METTL15: variants seen among roughly 807,000 people sequenced by gnomAD.
METTL15 encodes the protein methyltransferase 15, mitochondrial 12S rRNA N4-cytidine, also known as 12S rRNA N(4)-cytidine methyltransferase METTL15.
In METTL15, 34 loss-of-function variants were observed where a neutral mutation model predicts 38.3. The observed-to-expected ratio is 0.89, with a 90% CI of 0.68 to 1.18. The LOEUF (loss-of-function observed/expected upper bound fraction) is 1.18. Among genes scored for constraint, METTL15 ranks in the 50% most tolerant of loss-of-function variants. METTL15 has a pLI of 0.00. For synonymous variants in METTL15, 162 were observed against 170.9 expected (o/e 0.95, Z 0.41); for missense variants, 438 against 498.4 (o/e 0.88, Z 1.15).
At chr11:28,527,675 CAAG>C (rs1196986264), downstream of METTL15, among the ~76,000 whole-genome samples, 1 of 152,154 alleles carries the variant, frequency 6.6e-6, no homozygotes, top group African/African-American at 2.4e-5. Context: ...TTGACTTAAT[CAAG>C]GAGGTATTTG....
chr11:28,155,103 CA>C lies in METTL15; in HGVS notation c.270+41500del, dbSNP rs1016545538. Among the ~76,000 whole-genome samples, 11 of 152,112 alleles carry C rather than the reference CA, an allele frequency of 7.2e-5. 1 individual carries two copies. Among genetic ancestry groups the C allele is most frequent in the Admixed American group, 6.6e-4 (10 of 15,266 alleles). On this transcript the variant is annotated intron_variant, in intron 3 of 6. Coordinates refer to ENST00000407364, the MANE Select transcript of METTL15 (RefSeq NM_001113528.2). The stretch of plus-strand genomic sequence containing the variant: ...AGGTAAGGTGTTCTCTAGATGTCTG[CA>C]GCATTAAGGTAGCATTTTATGGGAA...
chr11:28,477,861 T>C (rs1041150373), intron 6 of METTL15, among the ~76,000 whole-genome samples: 1 of 152,178 alleles, frequency 6.6e-6, no homozygotes, highest in Non-Finnish European at 1.5e-5. Flanking sequence ...TTCTGTATGG[T>C]ATTTTTTGAG....
Position 28,409,018 on chromosome 11 carries a change from T to C in METTL15, c.*359-15281T>C, listed in dbSNP as rs146069218. On this transcript the variant is annotated intron_variant and NMD_transcript_variant, in intron 5 of 7. Transcript: ENST00000532947. ...CCAACAGCAGCAGAATATACGTTCT[T>C]TTTTAGTACATATGGAACATTCTCC... is the stretch of plus-strand genomic sequence containing the variant. 5.1e-3 allele frequency among the ~76,000 whole-genome samples: 779 copies of C among 152,310 alleles called. 7 individuals are homozygous for C. Among genetic ancestry groups the C allele is most frequent in the African/African-American group, 0.018 (731 of 41,578 alleles).
intron 5 of METTL15, among the ~76,000 whole-genome samples, chr11:28,415,502 T>C (rs1164347213): frequency 6.6e-6 from 1 of 152,222 alleles, no homozygotes; most frequent in African/African-American, 2.4e-5. Context: ...TCTTATTCAA[T>C]CATCAGGTGA....
At chr11:28,236,222 A>T (rs1172525766) in intron 4 of METTL15, among the ~76,000 whole-genome samples, 1 of 152,110 alleles carries the variant, frequency 6.6e-6, no homozygotes, top group Non-Finnish European at 1.5e-5. Context: ...TATTTTATTG[A>T]GGATTTTTGC....
intron 3 of METTL15, among the ~76,000 whole-genome samples, chr11:28,120,153 C>T (rs1293572742): frequency 2.6e-5 from 4 of 151,676 alleles, no homozygotes; most frequent in African/African-American, 7.3e-5. Flanking sequence ...AGGGTTTCAC[C>T]GTGTTAGCCA....
chr11:28,405,201 C>T (rs1416857728), intron 5 of METTL15, among the ~76,000 whole-genome samples: 1 of 152,078 alleles, frequency 6.6e-6, no homozygotes, highest in Non-Finnish European at 1.5e-5. Context: ...ATATTATGTG[C>T]TCTCCTCAAA....
At chr11:28,278,860 T>C (rs1353574845) in intron 4 of METTL15, among the ~76,000 whole-genome samples, 1 of 152,204 alleles carries the variant, frequency 6.6e-6, no homozygotes, top group Non-Finnish European at 1.5e-5. Flanking sequence ...AGAGTCTTGC[T>C]CTGTCACCCA....
chr11:28,384,720 T>A (rs1850423037), intron 5 of METTL15, among the ~76,000 whole-genome samples: 1 of 152,186 alleles, frequency 6.6e-6, no homozygotes, highest in Non-Finnish European at 1.5e-5. Flanking sequence ...GTTGCCACAC[T>A]GATTTCCACA....
intron 5 of METTL15, among the ~76,000 whole-genome samples, chr11:28,407,115 T>C (rs1474774183): frequency 3.3e-5 from 5 of 152,110 alleles, no homozygotes; most frequent in Non-Finnish European, 7.3e-5. Flanking sequence ...TTTGCATTGA[T>C]GTTCATCAGG....
intron 4 of METTL15, among the ~76,000 whole-genome samples, chr11:28,356,435 A>G (rs1453197002): frequency 2.0e-5 from 3 of 152,200 alleles, no homozygotes; most frequent in East Asian, 3.9e-4. Flanking sequence ...GTTAGATCGA[A>G]CATTTCAAAA....
Position 28,225,581 on chromosome 11 carries a change from A to G in METTL15, c.407+14383A>G, listed in dbSNP as rs1030560051. Reference sequence around the variant, plus strand: ...TTTTATTTCTGTTTCTTGGAAATCTATTTCTCACTTGTTCTTTTCACCCCC... The same window carrying G: ...TTTTATTTCTGTTTCTTGGAAATCTGTTTCTCACTTGTTCTTTTCACCCCC... On this transcript the variant is annotated intron_variant, in intron 4 of 6. Transcript: ENST00000407364. Among the ~76,000 whole-genome samples the G allele has an allele frequency of 8.0e-5, 12 of 150,406 alleles. No individual in the cohort carries two copies. The South Asian group carries it at 1.0e-3, about 13-fold the overall frequency.
intron 5 of METTL15, among the ~76,000 whole-genome samples, chr11:28,414,974 C>T (rs1850760624): frequency 6.6e-6 from 1 of 152,106 alleles, no homozygotes; most frequent in Admixed American, 6.6e-5. Context: ...GTAGAAGATT[C>T]CTTAAGATTC....
At chr11:28,523,370 T>C (rs991797381) in intron 6 of METTL15, among the ~76,000 whole-genome samples, 2 of 152,248 alleles carry the variant, frequency 1.3e-5, no homozygotes, top group African/African-American at 4.8e-5. Flanking sequence ...CAATATTCTG[T>C]ATTCTTTTTG....
At chr11:28,220,603 T>G (rs1853158486) in intron 4 of METTL15, among the ~76,000 whole-genome samples, 1 of 152,200 alleles carries the variant, frequency 6.6e-6, no homozygotes, top group African/African-American at 2.4e-5. Context: ...ATCCCGTCAT[T>G]ATGATGTTAG....
intron 3 of METTL15, among the ~76,000 whole-genome samples, chr11:28,139,221 C>T (rs751642548): frequency 6.6e-6 from 1 of 152,084 alleles, no homozygotes; most frequent in African/African-American, 2.4e-5. Flanking sequence ...GACACAATTA[C>T]CCATCTGTGA....
chr11:28,514,366 T>A (rs1361557747), intron 6 of METTL15, among the ~76,000 whole-genome samples: 1 of 152,204 alleles, frequency 6.6e-6, no homozygotes, highest in East Asian at 1.9e-4. Context: ...CTGAGACTGC[T>A]GCAGCCACAA....
chr11:28,488,822 C>T (rs924066343), intron 6 of METTL15, among the ~76,000 whole-genome samples: 3 of 152,106 alleles, frequency 2.0e-5, no homozygotes, highest in African/African-American at 7.2e-5. Flanking sequence ...GTTCCTACTT[C>T]CTCTTTATTC....
intron 4 of METTL15, among the ~76,000 whole-genome samples, chr11:28,358,433 C>T (rs1264136167): frequency 6.6e-6 from 1 of 152,168 alleles, no homozygotes; most frequent in Non-Finnish European, 1.5e-5. Context: ...TTGTAACTTT[C>T]CCTGAAGCAC....
Sources: allele counts gnomAD v4.1 joint callset (sites outside exome capture counted in the v4.1 genomes callset), GRCh38; gene constraint gnomAD v4.1.1; transcripts MANE v1.5; gene names NCBI Gene and HGNC (gene_info 2026-07-23, HGNC 2026-07-21).